Variants in KCNMB4 observed in about 807,000 individuals in gnomAD.
KCNMB4 encodes the protein calcium-activated potassium channel subunit beta-4.
KCNMB4 carries 3 observed loss-of-function variants against 20.7 expected under a neutral mutation model. The observed-to-expected ratio is 0.14, with a 90% CI of 0.07 to 0.37. KCNMB4 has a LOEUF of 0.37. Ranked by LOEUF, KCNMB4 falls within the 10% of genes least tolerant of loss-of-function variation. The pLI is 1.00. For synonymous variants in KCNMB4, 110 were observed against 113.4 expected, an observed-to-expected ratio of 0.97 and a Z score of 0.19; for missense variants, 168 against 265.9, an observed-to-expected ratio of 0.63 and a Z score of 2.56.
chr12:70,423,861 AAAAC>A (rs544833880), intron 2 of KCNMB4, among the ~76,000 whole-genome samples: 10 of 152,350 alleles, frequency 6.6e-5, no homozygotes, highest in South Asian at 2.1e-4. Context: ...GTAGGGGACA[AAAAC>A]AAACAAACAA....
rs1338825419 is a variant in KCNMB4, at chr12:70,403,342, GTTTTGTT to G, written c.464+3008_464+3014del. On this transcript the variant is annotated intron_variant, in intron 2 of 2. Coordinates refer to ENST00000258111, the MANE Select transcript of KCNMB4 (RefSeq NM_014505.6). ...GAGCTTTTTATTTTATTTTCTTTTT[GTTTTGTT>G]TGAGTAGGAGTCTCGCTCTGTCACT... is the stretch of plus-strand genomic sequence containing the variant. Among the ~76,000 whole-genome samples, 176 of 151,986 alleles carry G rather than the reference GTTTTGTT, an allele frequency of 1.2e-3. 2 individuals are homozygous for G. The highest frequency in any genetic ancestry group is 4.1e-4 in the South Asian group (2 of 4,820).
chr12:70,366,898 C>T lies in KCNMB4; in HGVS notation c.164C>T (p.Thr55Met). The change falls in exon 1 of 3, where the codon ACG (threonine) becomes ATG (methionine). Residue 55 changes from threonine (T) to methionine (M), a missense_variant. Coordinates refer to ENST00000258111, the MANE Select transcript of KCNMB4 (RefSeq NM_014505.6). ...CTGCAAGCCACGGAGGCCAATTGCA[C>T]GGTGCTGTCGGTGCAGCAGATCGGC... ...QDLQATEANC[T>M]VLSVQQIGEV... 1 of 1,613,480 alleles carries T rather than the reference C, an allele frequency of 6.2e-7. No individual in the cohort carries two copies. The highest frequency in any genetic ancestry group is 8.5e-7 in the Non-Finnish European group (1 of 1,179,892).
intron 2 of KCNMB4, chr12:70,422,872 T>A (rs1869103805): frequency 1.7e-6 from 2 of 1,166,888 alleles, no homozygotes; most frequent in African/African-American, 1.6e-5. Flanking sequence ...TTTTAAAAAG[T>A]CTATTACTCT....
chr12:70,374,154 CAA>C (rs1258311318), intron 1 of KCNMB4, among the ~76,000 whole-genome samples: 2 of 152,220 alleles, frequency 1.3e-5, no homozygotes, highest in South Asian at 2.1e-4. Context: ...AACTAAAAAT[CAA>C]AAGAGATTTG....
chr12:70,392,592 C>T (rs1868308961), intron 1 of KCNMB4, among the ~76,000 whole-genome samples: 1 of 152,098 alleles, frequency 6.6e-6, no homozygotes, highest in African/African-American at 2.4e-5. Flanking sequence ...AAATGCCCAT[C>T]AATGATAGAC....
rs1258577272 is a variant in KCNMB4, at chr12:70,432,858, C to T, written c.*2205C>T. ...TCAGTTGTCTATGATTAATTGATTA[C>T]AGAGTAGTAGATTAGAATAGTGCAT... On this transcript the variant is annotated 3_prime_UTR_variant, in exon 3 of 3. Coordinates refer to ENST00000258111, the MANE Select transcript of KCNMB4 (RefSeq NM_014505.6). The T allele has an allele frequency of 6.6e-6, 1 of 152,076 alleles. No homozygotes were observed. Among genetic ancestry groups the T allele is most frequent in the Non-Finnish European group, 1.5e-5 (1 of 68,028 alleles). The allele number at this position is 152,076 out of a possible 1,614,324, so 9.4% of individuals were successfully genotyped here.
intron 2 of KCNMB4, among the ~76,000 whole-genome samples, chr12:70,416,079 C>T (rs1459098400): frequency 6.6e-6 from 1 of 152,190 alleles, no homozygotes; most frequent in East Asian, 1.9e-4. Context: ...ATGGCTGTTT[C>T]CTTAGTGAAA....
At position 70,426,630 on chromosome 12, in the gene KCNMB4, A is replaced by G. The variant is rs528660556; in HGVS notation, c.465-3855A>G. On this transcript the variant is annotated intron_variant, in intron 2 of 2. Coordinates refer to ENST00000258111, the MANE Select transcript of KCNMB4 (RefSeq NM_014505.6). ...GTACAATTTAAAAAATCTTACAGAC[A>G]GGGTTTCAAATCATGTCATTATTTT... 1.6e-4 allele frequency among the ~76,000 whole-genome samples: 24 copies of G among 152,374 alleles called. 2 individuals carry two copies. Among genetic ancestry groups the G allele is most frequent in the Middle Eastern group, 3.4e-3 (1 of 294 alleles).
At chr12:70,399,026 A>C (rs1255844226) in intron 1 of KCNMB4, among the ~76,000 whole-genome samples, 2 of 152,202 alleles carry the variant, frequency 1.3e-5, no homozygotes, top group Non-Finnish European at 2.9e-5. Context: ...AGCCTGTGCC[A>C]AGCAAGTAGG....
chr12:70,405,891 G>A (rs1258285155), intron 2 of KCNMB4, among the ~76,000 whole-genome samples: 8 of 152,174 alleles, frequency 5.3e-5, no homozygotes, highest in Non-Finnish European at 8.8e-5. Context: ...ATCCGATCTC[G>A]AAAAGAAATA....
intron 1 of KCNMB4, among the ~76,000 whole-genome samples, chr12:70,379,542 A>G (rs1187673555): frequency 6.6e-6 from 1 of 152,022 alleles, no homozygotes; most frequent in Non-Finnish European, 1.5e-5. Context: ...TCAGCCTCCC[A>G]AGTAGCTAGG....
At chr12:70,371,393 T>G (rs1883591996) in intron 1 of KCNMB4, among the ~76,000 whole-genome samples, 1 of 152,122 alleles carries the variant, frequency 6.6e-6, no homozygotes, top group Non-Finnish European at 1.5e-5. Context: ...CCTCTCCACA[T>G]CCACTCATGT....
chr12:70,406,401 T>A (rs1868603300), intron 2 of KCNMB4, among the ~76,000 whole-genome samples: 1 of 152,124 alleles, frequency 6.6e-6, no homozygotes, highest in South Asian at 2.1e-4. Flanking sequence ...GAAATAAGCC[T>A]CCTGCAGATG....
chr12:70,370,298 T>G (rs929284053), intron 1 of KCNMB4, among the ~76,000 whole-genome samples: 4 of 90,820 alleles, frequency 4.4e-5, no homozygotes, highest in East Asian at 1.8e-3. Context: ...GAATTTTTTG[T>G]TTTTTTTTGT....
At chr12:70,392,519 G>T (rs985252949) in intron 1 of KCNMB4, among the ~76,000 whole-genome samples, 7 of 152,142 alleles carry the variant, frequency 4.6e-5, no homozygotes, top group African/African-American at 1.7e-4. Context: ...ATTCTATAAA[G>T]ACACATGCAC....
chr12:70,428,936 T>A (rs1337471581), intron 2 of KCNMB4, among the ~76,000 whole-genome samples: 3 of 152,228 alleles, frequency 2.0e-5, no homozygotes, highest in African/African-American at 7.2e-5. Flanking sequence ...AAATTTTATT[T>A]GAAATACTAT....
At chr12:70,414,755 C>G (rs1237095557) in intron 2 of KCNMB4, among the ~76,000 whole-genome samples, 1 of 152,216 alleles carries the variant, frequency 6.6e-6, no homozygotes, top group Non-Finnish European at 1.5e-5. Context: ...TTTATTAAAG[C>G]AGGTTCCCTC....
chr12:70,378,518 T>A (rs1883727235), intron 1 of KCNMB4, among the ~76,000 whole-genome samples: 1 of 152,130 alleles, frequency 6.6e-6, no homozygotes, highest in Non-Finnish European at 1.5e-5. Context: ...CTTTATGAAG[T>A]GTATTTTTTA....
chr12:70,376,120 AC>A (rs1404949585), intron 1 of KCNMB4, among the ~76,000 whole-genome samples: 3 of 149,766 alleles, frequency 2.0e-5, no homozygotes, highest in East Asian at 2.0e-4. Flanking sequence ...GGAGAAAAAA[AC>A]ATTGACAAAA....
Sources: allele counts gnomAD v4.1 joint callset (sites outside exome capture counted in the v4.1 genomes callset), GRCh38; gene constraint gnomAD v4.1.1; transcripts MANE v1.5; gene names NCBI Gene and HGNC (gene_info 2026-07-23, HGNC 2026-07-21).